GRM5: variants seen among roughly 807,000 people sequenced by gnomAD.
The protein encoded by GRM5 is metabotropic glutamate receptor 5.
A neutral mutation model predicts 83.1 loss-of-function variants in GRM5; 19 were observed. The observed-to-expected ratio is 0.23, with a 90% CI of 0.16 to 0.34. GRM5 has a LOEUF of 0.34. Among genes scored for constraint, GRM5 ranks in the 10% least tolerant of loss-of-function variants. The pLI, the probability that GRM5 is intolerant of heterozygous loss-of-function variation, is 1.00. For missense variants in GRM5, 1,160 were observed against 1,588.3 expected, an observed-to-expected ratio of 0.73 and a Z score of 4.58; for synonymous variants, 675 against 633.6, an observed-to-expected ratio of 1.07 and a Z score of -0.98.
intron 3 of GRM5, among the ~76,000 whole-genome samples, chr11:88,738,694 C>G (rs571558716): frequency 6.6e-6 from 1 of 152,192 alleles, no homozygotes; most frequent in South Asian, 2.1e-4. Context: ...TCTTATACAT[C>G]TCTGTTTACC....
At chr11:88,947,760 AC>A (rs1303190072) in intron 2 of GRM5, among the ~76,000 whole-genome samples, 2 of 152,078 alleles carry the variant, frequency 1.3e-5, no homozygotes, top group Non-Finnish European at 2.9e-5. Flanking sequence ...TTTTTGAACA[AC>A]CTTGTTCAGA....
At chr11:88,657,123 T>C (rs1939783907) in intron 3 of GRM5, among the ~76,000 whole-genome samples, 1 of 152,160 alleles carries the variant, frequency 6.6e-6, no homozygotes, top group Non-Finnish European at 1.5e-5. Flanking sequence ...TAAGATGTCT[T>C]TAAACAAGAA....
intron 2 of GRM5, among the ~76,000 whole-genome samples, chr11:88,878,600 T>C (rs1944897718): frequency 6.6e-6 from 1 of 152,186 alleles, no homozygotes; most frequent in African/African-American, 2.4e-5. Context: ...GCACAGGTGG[T>C]GTGCACTCTT....
chr11:88,977,493 G>A (rs890866532), intron 2 of GRM5, among the ~76,000 whole-genome samples: 1 of 152,148 alleles, frequency 6.6e-6, no homozygotes, highest in Non-Finnish European at 1.5e-5. Flanking sequence ...TTACAGGCGT[G>A]AGCCAAAGTC....
At chr11:88,938,304 A>C (rs1213876680) in intron 2 of GRM5, among the ~76,000 whole-genome samples, 1 of 151,718 alleles carries the variant, frequency 6.6e-6, no homozygotes. Flanking sequence ...GAAAGTATTT[A>C]GTATGACTTT....
chr11:89,050,470 A>G (rs920561310), intron 1 of GRM5, among the ~76,000 whole-genome samples: 1 of 152,130 alleles, frequency 6.6e-6, no homozygotes, highest in East Asian at 1.9e-4. Context: ...TTTAGCTGAA[A>G]CCTGGTGAAT....
intron 3 of GRM5, among the ~76,000 whole-genome samples, chr11:88,819,793 G>C (rs1283783323): frequency 6.6e-6 from 1 of 152,072 alleles, no homozygotes; most frequent in African/African-American, 2.4e-5. Context: ...GCAGTCCAAG[G>C]TTCAAGGACC....
chr11:88,786,751 A>AT (rs201245482), intron 3 of GRM5, among the ~76,000 whole-genome samples: 6 of 151,386 alleles, frequency 4.0e-5, no homozygotes, highest in Non-Finnish European at 7.4e-5. Flanking sequence ...TGCTTTATTT[A>AT]TTTTTTTACG....
chr11:88,728,136 T>C (rs1159453635), intron 3 of GRM5, among the ~76,000 whole-genome samples: 1 of 150,462 alleles, frequency 6.6e-6, no homozygotes, highest in Non-Finnish European at 1.5e-5. Context: ...CCCAGACTAA[T>C]AAAAAAGAAA....
At chr11:88,773,186 T>C (rs1942776821) in intron 3 of GRM5, among the ~76,000 whole-genome samples, 1 of 152,198 alleles carries the variant, frequency 6.6e-6, no homozygotes, top group South Asian at 2.1e-4. Context: ...TGATTTGCAT[T>C]TCTCTGATGG....
At chr11:88,763,301 A>T (rs1186394660) in intron 3 of GRM5, among the ~76,000 whole-genome samples, 17 of 151,792 alleles carry the variant, frequency 1.1e-4, no homozygotes, top group Admixed American at 1.1e-3. Flanking sequence ...AAATTAAGGG[A>T]CACTAGATAA....
intron 4 of GRM5, among the ~76,000 whole-genome samples, chr11:88,652,802 C>T (rs1169760997): frequency 6.6e-6 from 1 of 152,044 alleles, no homozygotes; most frequent in African/African-American, 2.4e-5. Flanking sequence ...TGTGCTTCCA[C>T]TGTGCTAACT....
rs182392156 is a variant in GRM5, at chr11:88,564,619, A to T, written c.2630+2434T>A. ...AGTAAGAGTGTGCACATTTGAAGAC[A>T]AGCAAAAAAAGTACCTACCACATTA... is the stretch of plus-strand genomic sequence containing the variant. On this transcript the variant is annotated intron_variant, in intron 8 of 9. Transcript: ENST00000305447. Among the ~76,000 whole-genome samples, 30 of 152,320 alleles carry T rather than the reference A, an allele frequency of 2.0e-4. No individual in the cohort carries two copies. In the East Asian group the frequency reaches 5.8e-3, roughly 29 times the overall value.
intron 2 of GRM5, among the ~76,000 whole-genome samples, chr11:88,957,920 T>A (rs184937492): frequency 3.5e-4 from 53 of 152,304 alleles, no homozygotes; most frequent in Admixed American, 6.5e-4. Flanking sequence ...TTCTAATTTT[T>A]AAATTCTAAT....
chr11:88,950,018 C>T (rs1938405965), intron 2 of GRM5, among the ~76,000 whole-genome samples: 1 of 150,156 alleles, frequency 6.7e-6, no homozygotes, highest in Non-Finnish European at 1.5e-5. Flanking sequence ...GTACATGCCA[C>T]CAAGCCTGGC....
chr11:88,628,278 C>T (rs918522056), intron 4 of GRM5, among the ~76,000 whole-genome samples: 1 of 152,148 alleles, frequency 6.6e-6, no homozygotes. Context: ...TTATAAAATA[C>T]CTGATGGAAG....
At chr11:89,001,037 C>CATAAATAA (rs568502962) in intron 2 of GRM5, among the ~76,000 whole-genome samples, 1 of 151,550 alleles carries the variant, frequency 6.6e-6, no homozygotes, top group African/African-American at 2.4e-5. Flanking sequence ...AAAATGAGAA[C>CATAAATAA]ATAAATAAAT....
At chr11:88,886,799 A>G (rs907289130) in intron 2 of GRM5, among the ~76,000 whole-genome samples, 2 of 152,116 alleles carry the variant, frequency 1.3e-5, no homozygotes, top group Admixed American at 6.5e-5. Flanking sequence ...TGTGTATGCA[A>G]TGTATGGGAA....
chr11:89,053,510 T>G (rs1211568801), intron 1 of GRM5, among the ~76,000 whole-genome samples: 2 of 152,216 alleles, frequency 1.3e-5, no homozygotes, highest in African/African-American at 4.8e-5. Flanking sequence ...ATGTGTTTTC[T>G]ATAAATGTTT....
Sources: allele counts gnomAD v4.1 joint callset (sites outside exome capture counted in the v4.1 genomes callset), GRCh38; gene constraint gnomAD v4.1.1; transcripts MANE v1.5; gene names NCBI Gene and HGNC (gene_info 2026-07-23, HGNC 2026-07-21).